Variants in MON1A observed in about 807,000 individuals in gnomAD.
MON1A encodes vacuolar fusion protein MON1 homolog A.
A neutral mutation model predicts 44.6 loss-of-function variants in MON1A; 29 were observed. The observed-to-expected ratio is 0.65, with a 90% CI of 0.48 to 0.89. MON1A has a LOEUF of 0.89. Among genes scored for constraint, MON1A ranks in the 40% least tolerant of loss-of-function variants. The probability of loss-of-function intolerance (pLI) is 0.00; values close to 1 mark genes in which losing one functional copy is unlikely to be tolerated. For missense variants in MON1A, 615 were observed against 759.6 expected, an observed-to-expected ratio of 0.81 and a Z score of 2.24; for synonymous variants, 275 against 316.4, an observed-to-expected ratio of 0.87 and a Z score of 1.39.
rs1259701765 is a variant in MON1A at position 49,910,666 on chromosome 3, G to T, written c.832C>A (p.Leu278Met). The T allele has an allele frequency of 6.2e-7, 1 of 1,608,294 alleles. No homozygotes were observed. Among genetic ancestry groups the T allele is most frequent in the East Asian group, 2.2e-5 (1 of 44,632 alleles). ...GGGTCTCGTGCCATGAGCTGCAGCA[G>T]GTTGTCGGTGATGCGCTCTGAGCCC... ...LSGSERITDNLLQLMARDPSF... is the reference protein window; with the variant it reads ...LSGSERITDNMLQLMARDPSF... Residue 278 changes from leucine (L) to methionine (M), a missense_variant, in exon 4 of 6, where the codon CTG becomes ATG. Leu to Met is a conservative substitution (Grantham distance 15). Transcript: ENST00000296473. The surrounding 1 kb of genome is among the most constrained non-coding windows in gnomAD (Gnocchi z 8.0).
At chr3:49,929,536 C>A in intron 1 of MON1A, 73 bp downstream of exon 1, 1 of 1,513,768 alleles carries the variant, frequency 6.6e-7, no homozygotes, top group South Asian at 1.2e-5. Flanking sequence ...CGTCTTCAAG[C>A]CCCTCCCTCC....
intron 1 of MON1A, among the ~76,000 whole-genome samples, chr3:49,921,132 G>A (rs1173054281): frequency 1.3e-5 from 2 of 151,982 alleles, no homozygotes; most frequent in East Asian, 3.9e-4. Context: ...CTCCAGCCTC[G>A]GCAATAAGAG....
chr3:49,929,418 TCCAGATCTCGCCTTTTGTATTCC>T (rs1226821987), intron 1 of MON1A, 168 bp downstream of exon 1: 1 of 698,784 alleles, frequency 1.4e-6, no homozygotes, highest in African/African-American at 1.8e-5. Flanking sequence ...AAGGATGGGT[TCCAGATCTCGCCTTTTGTATTCC>T]CCAGCTGGGG....
chr3:49,928,274 T>C (rs1246042590), intron 1 of MON1A, among the ~76,000 whole-genome samples: 1 of 152,092 alleles, frequency 6.6e-6, no homozygotes, highest in Non-Finnish European at 1.5e-5. Context: ...GAATACTTAC[T>C]CTGGAAACTC....
At chr3:49,923,178 A>G (rs981822323) in intron 1 of MON1A, among the ~76,000 whole-genome samples, 26 of 151,576 alleles carry the variant, frequency 1.7e-4, no homozygotes, top group African/African-American at 6.3e-4. Context: ...CATCTCTATG[A>G]AAAATACAAA....
At position 49,929,592 on chromosome 3, in the gene MON1A, G is replaced by A. The variant is rs1396406714; in HGVS notation, c.-14+17C>T. On this transcript the variant is annotated intron_variant, in intron 1 of 5. Coordinates refer to ENST00000296473, the MANE Select transcript of MON1A (RefSeq NM_032355.4). The stretch of plus-strand genomic sequence containing the variant: ...CTCTAGGTGCCTCCAGGCCACGTGG[G>A]CTGGCAGTCAACTCACCTGTTTCTC... 4 of 1,551,308 alleles carry A rather than the reference G, an allele frequency of 2.6e-6. No homozygotes were observed. Among genetic ancestry groups the A allele is most frequent in the Non-Finnish European group, 3.5e-6 (4 of 1,146,888 alleles).
chr3:49,922,536 AG>A, intron 1 of MON1A, among the ~76,000 whole-genome samples: 1 of 71,580 alleles, frequency 1.4e-5, no homozygotes, highest in African/African-American at 5.4e-5. Flanking sequence ...GGAAGGAGGG[AG>A]GGAGGGAGGG....
At position 49,911,032 on chromosome 3, in the gene MON1A, C is replaced by A. The variant is rs1158309673; in HGVS notation, c.614-148G>T. 5 of 790,806 alleles carry A rather than the reference C, an allele frequency of 6.3e-6. No individual in the cohort carries two copies. The East Asian group carries it at 1.3e-4, about 21-fold the overall frequency. 49.0% of individuals were successfully genotyped at this position (790,806 alleles called of 1,614,324 possible). A position where few individuals can be genotyped will look rare whatever the true frequency, so the allele number is the denominator to read the frequency against. On this transcript the variant is annotated intron_variant, in intron 3 of 5. Transcript: ENST00000296473. The surrounding 1 kb of genome is among the most constrained non-coding windows in gnomAD (Gnocchi z 5.7). The stretch of plus-strand genomic sequence containing the variant: ...GGTTTAAGGATGTTCAGGATAAAAA[C>A]CCATTGCTCCTTCTCCCTGAGGGCT...
At chr3:49,923,746 T>C in intron 1 of MON1A, among the ~76,000 whole-genome samples, 1 of 148,034 alleles carries the variant, frequency 6.8e-6, no homozygotes, top group South Asian at 2.4e-4. Flanking sequence ...CCACCTCACC[T>C]GGCCAAGAAA....
intron 1 of MON1A, among the ~76,000 whole-genome samples, chr3:49,920,070 C>T (rs957175862): frequency 2.0e-5 from 3 of 152,190 alleles, no homozygotes; most frequent in Non-Finnish European, 2.9e-5. Flanking sequence ...TTGTCTCTGC[C>T]GTAGCCTCTC....
chr3:49,912,118 A>G, intron 2 of MON1A, 107 bp from the exon 3 acceptor site: 1 of 1,352,408 alleles, frequency 7.4e-7, no homozygotes, highest in Non-Finnish European at 9.9e-7. Context: ...TCTTGTTAGG[A>G]TCAAGCCACT....
At chr3:49,912,994 A>G (rs941854835) in intron 2 of MON1A, 5 of 673,992 alleles carry the variant, frequency 7.4e-6, no homozygotes, top group Non-Finnish European at 1.3e-5. Flanking sequence ...AAGAGCCCAC[A>G]ATGGCAGCCA....
At chr3:49,912,966 T>G in intron 2 of MON1A, 2 of 617,772 alleles carry the variant, frequency 3.2e-6, no homozygotes, top group Non-Finnish European at 6.0e-6. Flanking sequence ...GGAGGTGCGC[T>G]GTAGACACAG....
intron 1 of MON1A, among the ~76,000 whole-genome samples, chr3:49,914,113 G>A (rs1489741530): frequency 4.2e-5 from 6 of 142,720 alleles, no homozygotes; most frequent in Admixed American, 7.1e-5. Context: ...TTTTTGAGAC[G>A]GAGTTTCGCT....
chr3:49,910,864 C>T lies in MON1A; in HGVS notation c.634G>A (p.Val212Met), dbSNP rs148539732. ...ACTAGCACCAGCGGGCTCCGGCGCA[C>T]GAATACTACCTTGTAGCCATCTGAG... ...IHADGYKVVF[V>M]RRSPLVLVAV... The change falls in exon 4 of 6, where the codon GTG becomes ATG. Residue 212 changes from valine to methionine, a missense_variant. Physicochemically the swap from Val to Met is conservative, Grantham distance 21 (BLOSUM62 1). Transcript: ENST00000296473. This position sits in a 1 kb window ranked among gnomAD's most constrained non-coding sequence, Gnocchi z 8.0. 2 of 1,610,044 alleles carry T rather than the reference C, an allele frequency of 1.2e-6. No homozygotes were observed. Among genetic ancestry groups the T allele is most frequent in the Non-Finnish European group, 8.5e-7 (1 of 1,177,148 alleles).
rs1300185346 is a variant in MON1A at position 49,911,189 on chromosome 3, AT to A, written c.614-306del. 2.0e-5 allele frequency among the ~76,000 whole-genome samples: 1 copy of A among 49,804 alleles called. No individual in the cohort carries two copies. Among genetic ancestry groups the A allele is most frequent in the Non-Finnish European group, 4.7e-5 (1 of 21,494 alleles). The allele number at this position is 49,804 out of a possible 152,430, so 32.7% of individuals were successfully genotyped here. On this transcript the variant is annotated intron_variant, in intron 3 of 5. Coordinates refer to ENST00000296473, the MANE Select transcript of MON1A (RefSeq NM_032355.4). This position sits in a 1 kb window ranked among gnomAD's most constrained non-coding sequence, Gnocchi z 5.7. ...AGCTCAGGACCTGGGAGATAGATAG[AT>A]TAGATAGATAGATAGATAGATAGAT...
intron 1 of MON1A, among the ~76,000 whole-genome samples, chr3:49,919,862 T>G (rs913936337): frequency 6.6e-6 from 1 of 152,144 alleles, no homozygotes; most frequent in South Asian, 2.1e-4. Context: ...CAAGCAGTGA[T>G]TCAGGAATCC....
chr3:49,917,786 C>T (rs1039407162), intron 1 of MON1A, among the ~76,000 whole-genome samples: 1 of 151,806 alleles, frequency 6.6e-6, no homozygotes, highest in African/African-American at 2.4e-5. Flanking sequence ...GTGGCTCACG[C>T]CTGTAATCCC....
intron 1 of MON1A, among the ~76,000 whole-genome samples, chr3:49,916,259 T>C (rs531910108): frequency 3.9e-5 from 6 of 152,300 alleles, no homozygotes; most frequent in South Asian, 2.1e-4. Flanking sequence ...CCCAAACAGA[T>C]AGCATCACCA....
Sources: gnomAD v4.1 joint callset for allele counts (sites outside exome capture counted in the v4.1 genomes callset) on GRCh38, gnomAD v4.1.1 for gene constraint, Gnocchi (gnomAD v3.1) non-coding constraint, MANE v1.5 for transcripts, NCBI Gene and HGNC (gene_info 2026-07-23, HGNC 2026-07-21) for gene names.